Variants in PAX3 observed in about 807,000 individuals in gnomAD.
The protein encoded by PAX3 is paired box 3.
A neutral mutation model predicts 51.6 loss-of-function variants in PAX3; 14 were observed. That is an observed-to-expected ratio of 0.27 (90% CI 0.18 to 0.42). PAX3 has a LOEUF of 0.42. PAX3 is among the 10% of genes least tolerant of loss of function. The pLI, the probability that PAX3 is intolerant of heterozygous loss-of-function variation, is 1.00. For synonymous variants in PAX3, 280 were observed against 253.4 expected, an observed-to-expected ratio of 1.11 and a Z score of -1.00; for missense variants, 540 against 642.8, an observed-to-expected ratio of 0.84 and a Z score of 1.73.
At chr2:222,246,572 T>C (rs752338596) in intron 4 of PAX3, among the ~76,000 whole-genome samples, 1 of 152,118 alleles carries the variant, frequency 6.6e-6, no homozygotes, top group Non-Finnish European at 1.5e-5. Flanking sequence ...AATTATATTA[T>C]ACAGATGGAT....
intron 6 of PAX3, 105 bp downstream of exon 6, chr2:222,221,117 T>C (rs1692175278): frequency 9.3e-7 from 1 of 1,079,500 alleles, no homozygotes; most frequent in Non-Finnish European, 1.4e-6. Flanking sequence ...GTATTACAAT[T>C]AACAACATGG....
At chr2:222,256,933 C>T (rs1450429512) in intron 4 of PAX3, among the ~76,000 whole-genome samples, 1 of 152,212 alleles carries the variant, frequency 6.6e-6, no homozygotes, top group African/African-American at 2.4e-5. Flanking sequence ...GAAATGGACC[C>T]TGTACTTGTG....
At chr2:222,217,201 T>TA (rs1170353223) in intron 7 of PAX3, among the ~76,000 whole-genome samples, 1 of 152,032 alleles carries the variant, frequency 6.6e-6, no homozygotes, top group Non-Finnish European at 1.5e-5. Context: ...TTTAAGCAAA[T>TA]TTTTTTTATT....
intron 4 of PAX3, among the ~76,000 whole-genome samples, chr2:222,281,741 C>G (rs1375868147): frequency 1.3e-5 from 2 of 152,198 alleles, no homozygotes; most frequent in Non-Finnish European, 2.9e-5. Context: ...GAGCCTGATT[C>G]AACCCAAATT....
At chr2:222,259,118 C>T (rs1693751855) in intron 4 of PAX3, among the ~76,000 whole-genome samples, 1 of 152,186 alleles carries the variant, frequency 6.6e-6, no homozygotes, top group South Asian at 2.1e-4. Flanking sequence ...TATTTTGCCA[C>T]ATCTGCAGCA....
intron 1 of PAX3, 67 bp downstream of exon 1, chr2:222,298,463 TG>T: frequency 1.5e-6 from 2 of 1,336,644 alleles, no homozygotes; most frequent in Non-Finnish European, 1.0e-6. Context: ...CTGCGGAGCC[TG>T]GGGATGGGGT....
intron 4 of PAX3, among the ~76,000 whole-genome samples, chr2:222,283,819 C>G (rs1264423549): frequency 6.6e-6 from 1 of 152,254 alleles, no homozygotes; most frequent in East Asian, 1.9e-4. Flanking sequence ...ATTTTGGAGA[C>G]AGGTCAGACC....
At chr2:222,206,823 T>C (rs1186893426) in intron 7 of PAX3, among the ~76,000 whole-genome samples, 1 of 152,182 alleles carries the variant, frequency 6.6e-6, no homozygotes, top group Non-Finnish European at 1.5e-5. Context: ...TTCCCATCAG[T>C]TGAAAGTGCC....
At chr2:222,298,431 T>A in intron 1 of PAX3, 100 bp downstream of exon 1, 2 of 986,510 alleles carry the variant, frequency 2.0e-6, no homozygotes, top group Admixed American at 4.0e-5. Context: ...GGGAATGGGC[T>A]TCCTGGAAGC....
At chr2:222,237,079 C>T (rs777220529) in intron 4 of PAX3, among the ~76,000 whole-genome samples, 1 of 152,074 alleles carries the variant, frequency 6.6e-6, no homozygotes, top group Non-Finnish European at 1.5e-5. Flanking sequence ...CACCAATGAC[C>T]CTAGAGCAAC....
intron 4 of PAX3, among the ~76,000 whole-genome samples, chr2:222,240,704 A>T (rs1692980757): frequency 6.6e-6 from 1 of 152,330 alleles, no homozygotes; most frequent in African/African-American, 2.4e-5. Context: ...CTTAAAGTGA[A>T]GGAGGAATTT....
At chr2:222,222,439 T>G (rs1692230650) in intron 5 of PAX3, among the ~76,000 whole-genome samples, 1 of 151,834 alleles carries the variant, frequency 6.6e-6, no homozygotes, top group African/African-American at 2.4e-5. Context: ...AGTCTTGCTC[T>G]GTCGCCCAGT....
intron 5 of PAX3, among the ~76,000 whole-genome samples, chr2:222,222,366 A>G (rs977087775): frequency 4.6e-5 from 7 of 151,876 alleles, no homozygotes; most frequent in Admixed American, 6.6e-5. Flanking sequence ...ATTTCTACCA[A>G]CTAAAGATAT....
chr2:222,206,830 T>G (rs1460044500), intron 7 of PAX3, among the ~76,000 whole-genome samples: 1 of 152,182 alleles, frequency 6.6e-6, no homozygotes, highest in Non-Finnish European at 1.5e-5. Context: ...CAGTTGAAAG[T>G]GCCTGAAGCT....
At chr2:222,213,283 A>C (rs557719086) in intron 7 of PAX3, among the ~76,000 whole-genome samples, 1 of 152,322 alleles carries the variant, frequency 6.6e-6, no homozygotes, top group Non-Finnish European at 1.5e-5. Flanking sequence ...TCATACTCTT[A>C]AGTGTAGCGA....
At chr2:222,289,185 A>G (rs1694939724) in intron 4 of PAX3, among the ~76,000 whole-genome samples, 1 of 152,244 alleles carries the variant, frequency 6.6e-6, no homozygotes, top group Non-Finnish European at 1.5e-5. Flanking sequence ...GTTACCTGTC[A>G]TACAGAATCC....
At position 222,257,033 on chromosome 2, in the gene PAX3, C is replaced by A. The variant is rs45607238; in HGVS notation, c.587-24750G>T. 1.9e-3 allele frequency among the ~76,000 whole-genome samples: 293 copies of A among 152,302 alleles called. 3 individuals carry two copies. Among genetic ancestry groups the A allele is most frequent in the East Asian group, 8.7e-3 (45 of 5,184 alleles). Reference sequence around the variant, plus strand: ...GGGAAATAGTCACAGAATGGGCACACACAGACACACCACACCATGGGCTCT... The same window carrying A: ...GGGAAATAGTCACAGAATGGGCACAAACAGACACACCACACCATGGGCTCT... On this transcript the variant is annotated intron_variant, in intron 4 of 8. Coordinates refer to ENST00000392070, the MANE Select transcript of PAX3 (RefSeq NM_181458.4).
At chr2:222,250,569 TA>T (rs1693390732) in intron 4 of PAX3, among the ~76,000 whole-genome samples, 1 of 152,182 alleles carries the variant, frequency 6.6e-6, no homozygotes, top group Non-Finnish European at 1.5e-5. Context: ...CTTAATACCC[TA>T]GAAACTGAAG....
chr2:222,233,234 G>A (rs1335052859), intron 4 of PAX3, among the ~76,000 whole-genome samples: 2 of 152,108 alleles, frequency 1.3e-5, no homozygotes, highest in Non-Finnish European at 2.9e-5. Context: ...TGTCCCTGAA[G>A]CCACTGTGTG....
Sources: gnomAD v4.1 joint callset for allele counts (sites outside exome capture counted in the v4.1 genomes callset) on GRCh38, gnomAD v4.1.1 for gene constraint, MANE v1.5 for transcripts, NCBI Gene and HGNC (gene_info 2026-07-23, HGNC 2026-07-21) for gene names.